Variants in KDM6A observed in about 807,000 individuals in gnomAD.
KDM6A encodes lysine-specific demethylase 6A.
Under a neutral mutation model 117.6 loss-of-function variants are expected in KDM6A, and 11 were observed. The observed-to-expected ratio is 0.09, with a 90% CI of 0.06 to 0.15. The LOEUF (loss-of-function observed/expected upper bound fraction) is 0.15, where lower values mean the gene tolerates loss of function less well. KDM6A is among the 10% of genes least tolerant of loss of function. The probability of loss-of-function intolerance (pLI) is 1.00; values close to 1 mark genes in which losing one functional copy is unlikely to be tolerated. For synonymous variants in KDM6A, 384 were observed against 396.1 expected (o/e 0.97, Z 0.36); for missense variants, 799 against 1,077.3 (o/e 0.74, Z 3.62).
rs764968857 is a variant in KDM6A at position 45,034,939 on chromosome X, G to C, written c.573G>C (p.Gln191His). ...TCACTCTCGTCTTGCAGCATTTTCA[G>C]TTAGCTTTGGTTGACTGTAATCCCT... ...TDYESSLKHF[Q>H]LALVDCNPCT... Residue 191 changes from glutamine (Q) to histidine (H), a missense_variant, in exon 7 of 30, where the codon CAG becomes CAC. By Grantham distance (24) the Gln-to-His change is conservative (BLOSUM62 0). Around this residue, in one of 8 missense-constraint regions of KDM6A, gnomAD observed 63 missense variants for 68.2 expected, o/e 0.92. Coordinates refer to ENST00000611820, the MANE Select transcript of KDM6A (RefSeq NM_001291415.2). 8.3e-7 allele frequency: 1 copy of C among 1,206,534 alleles called. No homozygotes were observed. Among genetic ancestry groups the C allele is most frequent in the Non-Finnish European group, 1.1e-6 (1 of 890,841 alleles).
intron 4 of KDM6A, among the ~76,000 whole-genome samples, chrX:45,006,018 C>G (rs1314103926): frequency 1.2e-5 from 1 of 83,244 alleles, no homozygotes; most frequent in East Asian, 4.3e-4. Flanking sequence ...CACCCACCAC[C>G]CGGCTTTCTT....
At chrX:45,040,638 T>C (rs2043087697) in intron 8 of KDM6A, among the ~76,000 whole-genome samples, 1 of 77,453 alleles carries the variant, frequency 1.3e-5, no homozygotes, top group Admixed American at 1.4e-4. Context: ...TCACACCACT[T>C]CCCTCCCGGA....
intron 2 of KDM6A, among the ~76,000 whole-genome samples, chrX:44,891,435 G>A (rs948624085): frequency 3.6e-5 from 4 of 111,201 alleles, no homozygotes; most frequent in African/African-American, 6.5e-5. Context: ...AAATAGTTGC[G>A]TATATATTTG....
rs184954372 is a variant in KDM6A at position 45,055,233 on chromosome X, T to C, written c.875+1278T>C. On this transcript the variant is annotated intron_variant, in intron 10 of 29. Coordinates refer to ENST00000611820, the MANE Select transcript of KDM6A (RefSeq NM_001291415.2). ...TTTAATTATATGGCTTCATTTTTCC[T>C]TTAAGGAAAGTATGTTTGTATGAGA... Among the ~76,000 whole-genome samples, 332 of 111,429 alleles carry C rather than the reference T, an allele frequency of 3.0e-3. 1 individual carries two copies. The highest frequency in any genetic ancestry group is 0.01 in the African/African-American group (314 of 30,771).
intron 2 of KDM6A, among the ~76,000 whole-genome samples, chrX:44,911,207 G>A (rs1330956560): frequency 4.0e-4 from 44 of 108,887 alleles, no homozygotes; most frequent in African/African-American, 1.4e-3. Context: ...GCTGCCGGGC[G>A]GAGACACTCC....
At chrX:44,917,528 A>G (rs1175834374) in intron 2 of KDM6A, among the ~76,000 whole-genome samples, 1 of 112,026 alleles carries the variant, frequency 8.9e-6, no homozygotes, top group Non-Finnish European at 1.9e-5. Context: ...AATGATGACA[A>G]GATTGTTACA....
intron 8 of KDM6A, among the ~76,000 whole-genome samples, chrX:45,040,653 G>A (rs1238886488): frequency 1.2e-5 from 1 of 86,594 alleles, no homozygotes; most frequent in African/African-American, 4.5e-5. Flanking sequence ...CCCGGACGGG[G>A]CGGCTGGCCG....
chrX:45,072,527 TAGAC>T lies in KDM6A; in HGVS notation c.2858+2173_2858+2176del, dbSNP rs1396811120. Among the ~76,000 whole-genome samples the T allele has an allele frequency of 5.4e-5, 6 of 111,039 alleles. No homozygotes were observed. In the East Asian group the frequency reaches 1.4e-3, roughly 26 times the overall value. On this transcript the variant is annotated intron_variant, in intron 18 of 29. Transcript: ENST00000611820. ...ATTAAATGCTACACTTGGCTCTCCT[TAGAC>T]AGTGCCTTGATTCACTGCCAGTTTG...
intron 27 of KDM6A, 67 bp from the exon 28 acceptor site, chrX:45,107,343 A>G (rs987206255): frequency 5.7e-6 from 6 of 1,046,124 alleles, no homozygotes; most frequent in Non-Finnish European, 8.0e-6. Context: ...TCTAGTTGGT[A>G]TATCTTTTAT....
intron 7 of KDM6A, 34 bp from the exon 8 acceptor site, chrX:45,037,621 T>C (rs779391848): frequency 6.3e-5 from 74 of 1,165,463 alleles, no homozygotes; most frequent in Non-Finnish European, 8.0e-5. Context: ...GCTGTATTGT[T>C]ACTGATTTTT....
At chrX:44,882,896 A>G (rs1007369062) in intron 2 of KDM6A, among the ~76,000 whole-genome samples, 14 of 111,294 alleles carry the variant, frequency 1.3e-4, no homozygotes, top group African/African-American at 4.6e-4. Flanking sequence ...CATATGATGT[A>G]TTAAGTGTAA....
chrX:44,885,104 G>A (rs1218793525), intron 2 of KDM6A, among the ~76,000 whole-genome samples: 1 of 104,669 alleles, frequency 9.6e-6, no homozygotes, highest in Admixed American at 1.1e-4. Flanking sequence ...CATGATCACT[G>A]CTCACTACAG....
At chrX:45,057,975 T>C (rs1051967870) in intron 10 of KDM6A, among the ~76,000 whole-genome samples, 3 of 110,532 alleles carry the variant, frequency 2.7e-5, no homozygotes, top group Non-Finnish European at 3.8e-5. Context: ...GTGTTGTCTT[T>C]CCAATTTGTT....
rs72270582 is a variant in KDM6A at position 45,079,501 on chromosome X, A to ATATGTATG, written c.3300+185_3300+192dup. The ATATGTATG allele has an allele frequency of 7.9e-3, 3,347 of 424,400 alleles. 25 individuals carry two copies. The highest frequency in any genetic ancestry group is 0.014 in the Middle Eastern group (22 of 1,609). The allele number at this position is 424,400 out of a possible 1,213,427, so 35.0% of individuals were successfully genotyped here. ...TGTTCTCCAGTTGTCTCGTATGTAT[A>ATATGTATG]TATGTATGTATGTATGTATGTATGT... On this transcript the variant is annotated intron_variant, in intron 21 of 29. Coordinates refer to ENST00000611820, the MANE Select transcript of KDM6A (RefSeq NM_001291415.2).
At chrX:44,962,515 T>A (rs2038726002) in intron 3 of KDM6A, among the ~76,000 whole-genome samples, 1 of 111,835 alleles carries the variant, frequency 8.9e-6, no homozygotes. Context: ...TGTTAATAGT[T>A]ACTTAATACT....
chrX:44,989,446 C>G (rs959018889), intron 4 of KDM6A, among the ~76,000 whole-genome samples: 1 of 108,638 alleles, frequency 9.2e-6, no homozygotes, highest in Admixed American at 1.0e-4. Flanking sequence ...TGAGATGAAC[C>G]CAGTACCTCA....
intron 2 of KDM6A, among the ~76,000 whole-genome samples, chrX:44,910,379 GA>G (rs2035015493): frequency 9.0e-6 from 1 of 111,029 alleles, no homozygotes; most frequent in South Asian, 3.8e-4. Flanking sequence ...AGTAGAGGCG[GA>G]GTTTTGTCAT....
intron 3 of KDM6A, among the ~76,000 whole-genome samples, chrX:44,962,697 A>G (rs899335644): frequency 9.0e-6 from 1 of 110,633 alleles, no homozygotes; most frequent in African/African-American, 3.4e-5. Flanking sequence ...TTTGTTTCCT[A>G]TTACATATAA....
chrX:45,045,573 A>T (rs1169519989), intron 8 of KDM6A, among the ~76,000 whole-genome samples: 2 of 99,940 alleles, frequency 2.0e-5, no homozygotes, highest in Admixed American at 1.1e-4. Context: ...GTGACAGAGC[A>T]AGACTCTGTC....
Sources: gnomAD v4.1 joint callset for allele counts (sites outside exome capture counted in the v4.1 genomes callset) on GRCh38, gnomAD v4.1.1 for gene constraint, gnomAD v4.1.1 regional missense constraint, MANE v1.5 for transcripts, NCBI Gene and HGNC (gene_info 2026-07-23, HGNC 2026-07-21) for gene names.